CXCL13: variants seen among roughly 807,000 people sequenced by gnomAD.
The protein encoded by CXCL13 is C-X-C motif chemokine ligand 13.
Under a neutral mutation model 12.2 loss-of-function variants are expected in CXCL13, and 7 were observed. The observed-to-expected ratio is 0.57, with a 90% CI of 0.33 to 1.07. CXCL13 has a LOEUF of 1.07. Ranked by LOEUF, CXCL13 falls within the 50% of genes least tolerant of loss-of-function variation. CXCL13 has a pLI of 0.04. For synonymous variants in CXCL13, 47 were observed against 42.4 expected (o/e 1.11, Z -0.42); for missense variants, 113 against 127.4 (o/e 0.89, Z 0.55).
chr4:77,595,959 T>C (rs1489680112), intron 1 of CXCL13, among the ~76,000 whole-genome samples: 1 of 152,184 alleles, frequency 6.6e-6, no homozygotes, highest in Non-Finnish European at 1.5e-5. Context: ...AATTTGGCAC[T>C]CAAACACCTC....
intron 1 of CXCL13, among the ~76,000 whole-genome samples, chr4:77,563,022 G>T (rs1424900005): frequency 6.6e-6 from 1 of 152,008 alleles, no homozygotes; most frequent in East Asian, 1.9e-4. Context: ...AATAAATCTT[G>T]CTGCTTCTCA....
At position 77,538,389 on chromosome 4, in the gene CXCL13, A is replaced by G. The variant is rs373727174; in HGVS notation, c.-43+26601A>G. Among the ~76,000 whole-genome samples, 9 of 150,706 alleles carry G rather than the reference A, an allele frequency of 6.0e-5. No individual in the cohort carries two copies. The East Asian group carries it at 1.4e-3, about 23-fold the overall frequency. On this transcript the variant is annotated intron_variant, in intron 1 of 4. Coordinates refer to the CXCL13 transcript ENST00000286758. ...TCATTATTTATCTTGAGGGTGTAACAATGAATTGTTGTAAGATTTATTCAA... is the reference window on the plus strand; with the variant it reads ...TCATTATTTATCTTGAGGGTGTAACGATGAATTGTTGTAAGATTTATTCAA...
intron 1 of CXCL13, among the ~76,000 whole-genome samples, chr4:77,538,667 G>T (rs547779944): frequency 3.9e-5 from 6 of 152,200 alleles, no homozygotes; most frequent in Non-Finnish European, 5.9e-5. Context: ...TGGTAGAAAT[G>T]GCTACCTGGA....
chr4:77,557,163 A>T (rs1725678909), intron 1 of CXCL13, among the ~76,000 whole-genome samples: 1 of 152,244 alleles, frequency 6.6e-6, no homozygotes, highest in East Asian at 1.9e-4. Context: ...TTGTTGATTT[A>T]TTCATTGAAT....
chr4:77,565,106 A>G (rs1344818505), intron 1 of CXCL13, among the ~76,000 whole-genome samples: 1 of 152,148 alleles, frequency 6.6e-6, no homozygotes, highest in East Asian at 1.9e-4. Flanking sequence ...AATGAGAGGG[A>G]ACTGAATGGA....
chr4:77,525,192 C>G (rs549535497), intron 1 of CXCL13, among the ~76,000 whole-genome samples: 1 of 152,340 alleles, frequency 6.6e-6, no homozygotes, highest in East Asian at 1.9e-4. Flanking sequence ...GCCTCCAGAA[C>G]AGTGAGCTAA....
chr4:77,518,830 G>T (rs1186136615), intron 1 of CXCL13, among the ~76,000 whole-genome samples: 1 of 152,182 alleles, frequency 6.6e-6, no homozygotes, highest in South Asian at 2.1e-4. Flanking sequence ...TTCCATTGCT[G>T]GTGAGGAACT....
intron 1 of CXCL13, among the ~76,000 whole-genome samples, chr4:77,532,527 G>T (rs1724953339): frequency 6.6e-6 from 1 of 152,020 alleles, no homozygotes; most frequent in Non-Finnish European, 1.5e-5. Context: ...CTGTATCTTG[G>T]AGTTGCTGTT....
intron 1 of CXCL13, among the ~76,000 whole-genome samples, chr4:77,516,605 G>T (rs1421709123): frequency 1.3e-5 from 2 of 152,092 alleles, no homozygotes; most frequent in Admixed American, 1.3e-4. Context: ...AGAGGTGTTT[G>T]TAGTATTCTC....
intron 1 of CXCL13, among the ~76,000 whole-genome samples, chr4:77,600,235 GAC>G (rs1481187325): frequency 2.6e-5 from 4 of 151,998 alleles, no homozygotes; most frequent in Non-Finnish European, 2.9e-5. Flanking sequence ...ACTGGGAAGA[GAC>G]ACACACCCCT....
At chr4:77,560,775 A>T (rs1725792945) in intron 1 of CXCL13, among the ~76,000 whole-genome samples, 2 of 152,370 alleles carry the variant, frequency 1.3e-5, no homozygotes, top group Middle Eastern at 3.4e-3. Context: ...TATTGTACAT[A>T]GGAGACATTT....
At chr4:77,515,887 G>A (rs1489884245) in intron 1 of CXCL13, among the ~76,000 whole-genome samples, 1 of 152,200 alleles carries the variant, frequency 6.6e-6, no homozygotes, top group Non-Finnish European at 1.5e-5. Context: ...TCTTGCACCA[G>A]TTTTCAAAGG....
intron 1 of CXCL13, among the ~76,000 whole-genome samples, chr4:77,590,687 T>C (rs973499532): frequency 6.6e-6 from 1 of 152,222 alleles, no homozygotes; most frequent in Non-Finnish European, 1.5e-5. Context: ...CCTGTGGAGA[T>C]GTCACACACT....
intron 1 of CXCL13, among the ~76,000 whole-genome samples, chr4:77,580,097 G>T (rs1429902494): frequency 6.6e-6 from 1 of 152,026 alleles, no homozygotes; most frequent in Non-Finnish European, 1.5e-5. Flanking sequence ...ACTTGGAATG[G>T]CAAGAAAGTG....
intron 1 of CXCL13, among the ~76,000 whole-genome samples, chr4:77,583,749 G>A (rs929860044): frequency 1.3e-5 from 2 of 152,168 alleles, no homozygotes; most frequent in Non-Finnish European, 2.9e-5. Context: ...AGCTCTAGGT[G>A]CTTATCTCCA....
chr4:77,570,015 G>A (rs1027011414), intron 1 of CXCL13, among the ~76,000 whole-genome samples: 3 of 152,108 alleles, frequency 2.0e-5, no homozygotes, highest in Non-Finnish European at 4.4e-5. Flanking sequence ...ACAAAAACAA[G>A]CAATGGAAAA....
chr4:77,541,111 T>C (rs1314700099), intron 1 of CXCL13, among the ~76,000 whole-genome samples: 3 of 152,198 alleles, frequency 2.0e-5, no homozygotes, highest in Non-Finnish European at 4.4e-5. Flanking sequence ...ATTTTCTTTT[T>C]GCTTGTTCAA....
chr4:77,586,319 T>C (rs1209717668), intron 1 of CXCL13, among the ~76,000 whole-genome samples: 1 of 152,006 alleles, frequency 6.6e-6, no homozygotes, highest in East Asian at 1.9e-4. Context: ...AAAAATATTT[T>C]TGAGTAACAA....
At chr4:77,527,304 A>G (rs772477754) in intron 1 of CXCL13, among the ~76,000 whole-genome samples, 3 of 152,152 alleles carry the variant, frequency 2.0e-5, no homozygotes, top group Non-Finnish European at 4.4e-5. Context: ...GGGATGTAAA[A>G]TGATACAGCC....
Sources: gnomAD v4.1 joint callset for allele counts (sites outside exome capture counted in the v4.1 genomes callset) on GRCh38, gnomAD v4.1.1 for gene constraint, MANE v1.5 for transcripts, NCBI Gene and HGNC (gene_info 2026-07-23, HGNC 2026-07-21) for gene names.